Variants in CSMD1 observed in about 807,000 individuals in gnomAD.
The protein encoded by CSMD1 is CUB and sushi domain-containing protein 1.
CSMD1 carries 213 observed loss-of-function variants against 417.5 expected under a neutral mutation model. That is an observed-to-expected ratio of 0.51 (90% CI 0.46 to 0.57). The LOEUF is 0.57. Among genes scored for constraint, CSMD1 ranks in the 20% least tolerant of loss-of-function variants. The probability of loss-of-function intolerance (pLI) is 0.00; values close to 1 mark genes in which losing one functional copy is unlikely to be tolerated. For missense variants in CSMD1, 6,923 were observed against 4,529.7 expected (o/e 1.53, Z -15.17); for synonymous variants, 2,862 against 1,736.8 (o/e 1.65, Z -16.11).
intron 1 of CSMD1, among the ~76,000 whole-genome samples, chr8:4,949,988 A>G (rs1045298615): frequency 6.6e-6 from 1 of 152,100 alleles, no homozygotes; most frequent in Non-Finnish European, 1.5e-5. Context: ...TTTTTATCTA[A>G]TTGGTCACGA....
At chr8:3,055,409 G>A (rs930379302) in intron 49 of CSMD1, among the ~76,000 whole-genome samples, 19 of 152,140 alleles carry the variant, frequency 1.2e-4, no homozygotes, top group African/African-American at 4.6e-4. Context: ...AATAACGGTT[G>A]GCAATGGGTC....
intron 1 of CSMD1, among the ~76,000 whole-genome samples, chr8:4,805,687 G>A (rs1378682327): frequency 1.3e-5 from 2 of 152,164 alleles, no homozygotes; most frequent in East Asian, 1.9e-4. Context: ...TACTTTGCAT[G>A]CAGATGACAG....
At chr8:3,350,503 T>A (rs531109898) in intron 21 of CSMD1, among the ~76,000 whole-genome samples, 1 of 151,860 alleles carries the variant, frequency 6.6e-6, no homozygotes, top group African/African-American at 2.4e-5. Flanking sequence ...ATAAAGGGAA[T>A]AGCACTTTTA....
chr8:3,533,759 C>G (rs1211904203), intron 10 of CSMD1, among the ~76,000 whole-genome samples: 1 of 152,134 alleles, frequency 6.6e-6, no homozygotes, highest in Non-Finnish European at 1.5e-5. Flanking sequence ...TGAGGCATCT[C>G]TTTTACTTTC....
intron 2 of CSMD1, among the ~76,000 whole-genome samples, chr8:4,548,469 T>C (rs77910202): frequency 0.068 from 10,401 of 152,218 alleles, 407 homozygotes; most frequent in African/African-American, 0.12. Context: ...TGTAATTGCA[T>C]TCATATAAAG....
chr8:4,784,116 T>C (rs1002631814), intron 1 of CSMD1, among the ~76,000 whole-genome samples: 6 of 152,244 alleles, frequency 3.9e-5, no homozygotes, highest in East Asian at 1.9e-4. Context: ...TATTAGAAGA[T>C]AGCCAAGGGT....
At chr8:4,600,721 A>C (rs990888779) in intron 2 of CSMD1, among the ~76,000 whole-genome samples, 4 of 152,198 alleles carry the variant, frequency 2.6e-5, no homozygotes, top group African/African-American at 4.8e-5. Flanking sequence ...TCACAGAAAG[A>C]CAGAGGGTGT....
chr8:3,919,523 T>G (rs1357601250), intron 5 of CSMD1, among the ~76,000 whole-genome samples: 1 of 152,212 alleles, frequency 6.6e-6, no homozygotes, highest in African/African-American at 2.4e-5. Context: ...ATCATACTGC[T>G]TTTATTACTG....
intron 3 of CSMD1, among the ~76,000 whole-genome samples, chr8:4,127,332 A>G (rs1802823279): frequency 6.6e-6 from 1 of 151,836 alleles, no homozygotes; most frequent in Non-Finnish European, 1.5e-5. Flanking sequence ...TCTTTCTGGC[A>G]GTACAAGCCT....
At chr8:4,452,648 G>A (rs942882575) in intron 2 of CSMD1, among the ~76,000 whole-genome samples, 1 of 145,776 alleles carries the variant, frequency 6.9e-6, no homozygotes, top group East Asian at 2.0e-4. Flanking sequence ...ATTCTTGAGT[G>A]AAACGTAACA....
intron 54 of CSMD1, among the ~76,000 whole-genome samples, chr8:2,991,061 A>T (rs1585105411): frequency 6.6e-6 from 1 of 152,328 alleles, no homozygotes; most frequent in South Asian, 2.1e-4. Flanking sequence ...ACTTGGGCTC[A>T]TATCTTTTGG....
chr8:4,534,126 T>G (rs1450844887), intron 2 of CSMD1, among the ~76,000 whole-genome samples: 1 of 152,198 alleles, frequency 6.6e-6, no homozygotes. Context: ...GCTATCTTAA[T>G]GGCATTTGTC....
chr8:3,808,750 G>A (rs75336066), intron 5 of CSMD1, among the ~76,000 whole-genome samples: 1 of 152,166 alleles, frequency 6.6e-6, no homozygotes, highest in Non-Finnish European at 1.5e-5. Context: ...GCATAGCCTT[G>A]CAAGAACACG....
At chr8:4,471,192 A>G (rs1463108556) in intron 2 of CSMD1, among the ~76,000 whole-genome samples, 1 of 152,200 alleles carries the variant, frequency 6.6e-6, no homozygotes, top group Non-Finnish European at 1.5e-5. Context: ...CAACAACATT[A>G]TTATGGAAAA....
chr8:4,951,051 C>G (rs181440473), intron 1 of CSMD1, among the ~76,000 whole-genome samples: 3 of 152,010 alleles, frequency 2.0e-5, no homozygotes, highest in Non-Finnish European at 4.4e-5. Flanking sequence ...CAAGAAGTAG[C>G]TTCAACAAAT....
chr8:3,388,389 G>A (rs1811141598), intron 17 of CSMD1, among the ~76,000 whole-genome samples: 1 of 151,768 alleles, frequency 6.6e-6, no homozygotes, highest in Non-Finnish European at 1.5e-5. Flanking sequence ...TATTTTAAGA[G>A]CTAAGGAAAA....
At chr8:3,591,485 A>G (rs931179839) in intron 8 of CSMD1, among the ~76,000 whole-genome samples, 2 of 152,180 alleles carry the variant, frequency 1.3e-5, no homozygotes, top group Non-Finnish European at 2.9e-5. Context: ...TGGTATCATA[A>G]CTATTTTTGA....
At chr8:3,806,637 A>G (rs1420328889) in intron 5 of CSMD1, among the ~76,000 whole-genome samples, 1 of 152,222 alleles carries the variant, frequency 6.6e-6, no homozygotes, top group East Asian at 1.9e-4. Flanking sequence ...AGTCAGCTTC[A>G]TATGTGCATC....
chr8:3,286,036 C>G (rs541997894), intron 25 of CSMD1, among the ~76,000 whole-genome samples: 23 of 152,184 alleles, frequency 1.5e-4, no homozygotes, highest in African/African-American at 5.3e-4. Flanking sequence ...TCCATGTGTT[C>G]TCACTGTTCA....
Sources: allele counts gnomAD v4.1 joint callset (sites outside exome capture counted in the v4.1 genomes callset), GRCh38; gene constraint gnomAD v4.1.1; transcripts MANE v1.5; gene names NCBI Gene and HGNC (gene_info 2026-07-23, HGNC 2026-07-21).